The following NOS1AP variants were observed in gnomAD, a reference collection of about 807,000 sequenced individuals.
The protein encoded by NOS1AP is nitric oxide synthase 1 adaptor protein.
Under a neutral mutation model 56.2 loss-of-function variants are expected in NOS1AP, and 21 were observed. The ratio of observed to expected loss-of-function variants is 0.37; its 90% CI spans 0.26 to 0.54. The LOEUF is 0.54. NOS1AP is among the 20% of genes least tolerant of loss of function. NOS1AP has a pLI of 0.84. For synonymous variants in NOS1AP, 270 were observed against 274.6 expected (o/e 0.98, Z 0.17); for missense variants, 522 against 657.8 (o/e 0.79, Z 2.26).
intron 2 of NOS1AP, among the ~76,000 whole-genome samples, chr1:162,274,377 A>G (rs1003420781): frequency 3.9e-5 from 6 of 152,066 alleles, no homozygotes; most frequent in Non-Finnish European, 7.4e-5. Context: ...GAGAATGATA[A>G]CCGCCTGTAA....
At chr1:162,262,983 T>A (rs2101708348) in intron 2 of NOS1AP, among the ~76,000 whole-genome samples, 1 of 152,320 alleles carries the variant, frequency 6.6e-6, no homozygotes, top group Non-Finnish European at 1.5e-5. Flanking sequence ...TAATTCTTCT[T>A]AAAGTAACTA....
chr1:162,294,751 A>T (rs1318403273), intron 3 of NOS1AP, among the ~76,000 whole-genome samples: 1 of 152,200 alleles, frequency 6.6e-6, no homozygotes. Context: ...TCCTTAGCAG[A>T]CGCGGAGGGC....
At chr1:162,130,949 T>C (rs1468386454) in intron 1 of NOS1AP, among the ~76,000 whole-genome samples, 1 of 152,214 alleles carries the variant, frequency 6.6e-6, no homozygotes, top group Non-Finnish European at 1.5e-5. Context: ...CATCTTTTTA[T>C]GGATAAAAGA....
chr1:162,073,737 G>A (rs943481885), intron 1 of NOS1AP, among the ~76,000 whole-genome samples: 5 of 152,250 alleles, frequency 3.3e-5, no homozygotes, highest in Admixed American at 6.5e-5. Context: ...TGGGATTACA[G>A]GCGTGAACCA....
intron 5 of NOS1AP, among the ~76,000 whole-genome samples, chr1:162,341,193 A>G (rs1357725731): frequency 2.0e-5 from 3 of 152,232 alleles, no homozygotes; most frequent in East Asian, 3.8e-4. Flanking sequence ...TTTTAATATC[A>G]TCTTAAAAGC....
chr1:162,125,980 A>G (rs1462660128), intron 1 of NOS1AP, among the ~76,000 whole-genome samples: 1 of 152,056 alleles, frequency 6.6e-6, no homozygotes, highest in Admixed American at 6.5e-5. Context: ...CCTTGTAGAC[A>G]TCTTTCACCT....
At chr1:162,256,676 C>A (rs1319382258) in intron 2 of NOS1AP, among the ~76,000 whole-genome samples, 2 of 152,128 alleles carry the variant, frequency 1.3e-5, no homozygotes, top group Non-Finnish European at 2.9e-5. Flanking sequence ...CACAAATGCG[C>A]GTATGTACAT....
chr1:162,241,835 C>T (rs1271047705), intron 2 of NOS1AP, among the ~76,000 whole-genome samples: 1 of 152,148 alleles, frequency 6.6e-6, no homozygotes, highest in East Asian at 1.9e-4. Flanking sequence ...ACTCTGTGAA[C>T]AAGGAGAGGC....
chr1:162,131,637 A>G (rs1018820206), intron 1 of NOS1AP, among the ~76,000 whole-genome samples: 2 of 152,002 alleles, frequency 1.3e-5, no homozygotes, highest in Admixed American at 1.3e-4. Flanking sequence ...AAAGTATTCA[A>G]AGGTGATTTG....
At chr1:162,236,297 G>A (rs1309888381) in intron 2 of NOS1AP, among the ~76,000 whole-genome samples, 1 of 151,992 alleles carries the variant, frequency 6.6e-6, no homozygotes, top group Non-Finnish European at 1.5e-5. Context: ...CATTTTCCTT[G>A]GTCACTAATA....
chr1:162,286,515 A>T (rs1655093128), intron 2 of NOS1AP, among the ~76,000 whole-genome samples: 1 of 152,188 alleles, frequency 6.6e-6, no homozygotes, highest in African/African-American at 2.4e-5. Context: ...GAAAATGTAG[A>T]ATTATACCAC....
At chr1:162,340,712 T>C (rs1571230300) in intron 5 of NOS1AP, among the ~76,000 whole-genome samples, 1 of 152,150 alleles carries the variant, frequency 6.6e-6, no homozygotes, top group East Asian at 1.9e-4. Flanking sequence ...CTTTCCAGCA[T>C]GGGGAAGGCA....
chr1:162,197,333 G>A (rs1234285722), intron 2 of NOS1AP, among the ~76,000 whole-genome samples: 2 of 152,178 alleles, frequency 1.3e-5, no homozygotes, highest in East Asian at 3.9e-4. Flanking sequence ...ATGATGGTGT[G>A]TTTTTCCCTT....
intron 2 of NOS1AP, among the ~76,000 whole-genome samples, chr1:162,169,801 G>A (rs902631276): frequency 1.3e-5 from 2 of 152,190 alleles, no homozygotes; most frequent in African/African-American, 4.8e-5. Flanking sequence ...CTCCCAGTCT[G>A]GCTTCACTGT....
At chr1:162,074,459 C>T (rs1691729394) in intron 1 of NOS1AP, among the ~76,000 whole-genome samples, 1 of 152,140 alleles carries the variant, frequency 6.6e-6, no homozygotes, top group Non-Finnish European at 1.5e-5. Context: ...CACCATGGCT[C>T]ATCTAGTACA....
chr1:162,305,302 C>G (rs1283002337), intron 4 of NOS1AP, among the ~76,000 whole-genome samples: 1 of 151,958 alleles, frequency 6.6e-6, no homozygotes, highest in African/African-American at 2.4e-5. Flanking sequence ...CCATCACCCC[C>G]TTTTTTTAGC....
rs11475109 is a variant in NOS1AP at position 162,261,523 on chromosome 1, AG to A, written c.178-25820del. Among the ~76,000 whole-genome samples the A allele has an allele frequency of 4.4e-4, 11 of 24,838 alleles. 4 individuals are homozygous for A. Among genetic ancestry groups the A allele is most frequent in the Admixed American group, 1.2e-3 (4 of 3,232 alleles). 16.3% of individuals were successfully genotyped at this position (24,838 alleles called of 152,430 possible). A position where few individuals can be genotyped will look rare whatever the true frequency, so the allele number is the denominator to read the frequency against. ...GAGAGAGAGAGAGAGAGAGAGAGAGAGAGAGAGAGAGAGAGAGAGAGAGCAA... is the reference window on the plus strand; with the variant it reads ...GAGAGAGAGAGAGAGAGAGAGAGAGAAGAGAGAGAGAGAGAGAGAGAGCAA... On this transcript the variant is annotated intron_variant, in intron 2 of 9. Coordinates refer to ENST00000361897, the MANE Select transcript of NOS1AP (RefSeq NM_014697.3).
chr1:162,198,338 A>T (rs1168115005), intron 2 of NOS1AP, among the ~76,000 whole-genome samples: 1 of 152,200 alleles, frequency 6.6e-6, no homozygotes, highest in Admixed American at 6.5e-5. Flanking sequence ...TGTGATGGTG[A>T]TGCTGATGTC....
chr1:162,361,027 G>A (rs934135326), intron 8 of NOS1AP: 7 of 409,146 alleles, frequency 1.7e-5, no homozygotes, highest in Non-Finnish European at 3.0e-5. Flanking sequence ...GGAGGGTGCA[G>A]GGCTGAACTT....
Sources: allele counts gnomAD v4.1 joint callset (sites outside exome capture counted in the v4.1 genomes callset), GRCh38; gene constraint gnomAD v4.1.1; transcripts MANE v1.5; gene names NCBI Gene and HGNC (gene_info 2026-07-23, HGNC 2026-07-21).